Variants in SNX24 observed in about 807,000 individuals in gnomAD.
SNX24 encodes the protein sorting nexin-24.
SNX24 carries 22 observed loss-of-function variants against 28.7 expected under a neutral mutation model. The observed-to-expected ratio is 0.77, with a 90% CI of 0.55 to 1.10. The LOEUF (loss-of-function observed/expected upper bound fraction) is 1.10. SNX24 is among the 50% of genes least tolerant of loss of function. The probability of loss-of-function intolerance (pLI) is 0.00; values close to 1 mark genes in which losing one functional copy is unlikely to be tolerated. For missense variants in SNX24, 221 were observed against 201.1 expected (o/e 1.10, Z -0.60); for synonymous variants, 69 against 71.5 (o/e 0.96, Z 0.18).
At chr5:122,912,232 A>C (rs1376658485) in intron 1 of SNX24, among the ~76,000 whole-genome samples, 1 of 135,102 alleles carries the variant, frequency 7.4e-6, no homozygotes, top group African/African-American at 2.9e-5. Flanking sequence ...CTTTGAAGCA[A>C]TTGTGAATGG....
chr5:122,899,402 A>C (rs533180194), intron 1 of SNX24, among the ~76,000 whole-genome samples: 10 of 152,224 alleles, frequency 6.6e-5, no homozygotes, highest in Admixed American at 2.0e-4. Context: ...GCTTCTGTTG[A>C]ATATTTTTAT....
At chr5:122,874,139 C>T (rs1435166389) in intron 1 of SNX24, among the ~76,000 whole-genome samples, 1 of 152,104 alleles carries the variant, frequency 6.6e-6, no homozygotes, top group African/African-American at 2.4e-5. Flanking sequence ...CTGTATTGCT[C>T]CATGGAGATA....
chr5:122,945,472 T>C (rs1759642298), intron 2 of SNX24, among the ~76,000 whole-genome samples: 1 of 152,210 alleles, frequency 6.6e-6, no homozygotes, highest in Non-Finnish European at 1.5e-5. Flanking sequence ...AAAACTGCTG[T>C]CCCAAAAGGC....
chr5:122,897,319 T>A (rs1224841590), intron 1 of SNX24, among the ~76,000 whole-genome samples: 1 of 152,196 alleles, frequency 6.6e-6, no homozygotes, highest in Admixed American at 6.5e-5. Flanking sequence ...TTTTTATTTT[T>A]AAATTTTTTC....
intron 3 of SNX24, among the ~76,000 whole-genome samples, chr5:122,988,785 C>T (rs1761708284): frequency 6.6e-6 from 1 of 152,152 alleles, no homozygotes; most frequent in South Asian, 2.1e-4. Context: ...GATTTCTTTA[C>T]TGTCCTGTAA....
chr5:122,948,034 G>A (rs1759765221), intron 3 of SNX24, among the ~76,000 whole-genome samples: 1 of 152,130 alleles, frequency 6.6e-6, no homozygotes, highest in Non-Finnish European at 1.5e-5. Flanking sequence ...AGATGTGGTC[G>A]AAGGGCTCAG....
chr5:122,895,957 T>A (rs1757184847), intron 1 of SNX24, among the ~76,000 whole-genome samples: 1 of 152,186 alleles, frequency 6.6e-6, no homozygotes, highest in Admixed American at 6.5e-5. Context: ...AAGACCAGCC[T>A]GGCCAACATG....
rs116701469 is a variant in SNX24, at chr5:122,945,563, T to C, written c.145-492T>C. 4.3e-3 allele frequency among the ~76,000 whole-genome samples: 658 copies of C among 152,346 alleles called. 5 individuals carry two copies. Among genetic ancestry groups the C allele is most frequent in the African/African-American group, 0.015 (626 of 41,584 alleles). On this transcript the variant is annotated intron_variant, in intron 2 of 6. Transcript: ENST00000261369. ...GAACATTGAAAAGATTAGGCCTTTA[T>C]GTTTTTAAGTTCTCTCTCCAAATGA...
chr5:122,852,097 C>T (rs1407254237), intron 1 of SNX24, among the ~76,000 whole-genome samples: 2 of 149,826 alleles, frequency 1.3e-5, no homozygotes, highest in East Asian at 1.9e-4. Flanking sequence ...TAAATATATA[C>T]ACACACACAT....
At chr5:122,876,481 G>A (rs1756228668) in intron 1 of SNX24, among the ~76,000 whole-genome samples, 1 of 152,156 alleles carries the variant, frequency 6.6e-6, no homozygotes, top group South Asian at 2.1e-4. Flanking sequence ...TTAACCTCTT[G>A]TGATCTTACT....
chr5:122,911,742 CTTGT>C (rs1429380950), intron 1 of SNX24, among the ~76,000 whole-genome samples: 1 of 96,202 alleles, frequency 1.0e-5, no homozygotes, highest in African/African-American at 4.8e-5. Flanking sequence ...TTCCCCATTG[CTTGT>C]TTTTCTCAGG....
intron 3 of SNX24, among the ~76,000 whole-genome samples, chr5:122,970,390 C>T (rs1171712388): frequency 6.6e-6 from 1 of 151,956 alleles, no homozygotes; most frequent in Admixed American, 6.6e-5. Context: ...AACTACCTAC[C>T]GAAAACCTTT....
intron 1 of SNX24, among the ~76,000 whole-genome samples, chr5:122,892,888 C>A (rs1229021072): frequency 6.6e-6 from 1 of 151,972 alleles, no homozygotes; most frequent in East Asian, 1.9e-4. Context: ...GCCTCAGTCT[C>A]CCTAGTAGCT....
intron 5 of SNX24, among the ~76,000 whole-genome samples, chr5:123,025,587 T>C (rs1762839043): frequency 6.6e-6 from 1 of 152,202 alleles, no homozygotes; most frequent in Non-Finnish European, 1.5e-5. Flanking sequence ...TAATTTCTCC[T>C]TGTCAAGTCC....
At chr5:122,912,951 A>G (rs1757958175) in intron 1 of SNX24, among the ~76,000 whole-genome samples, 1 of 152,084 alleles carries the variant, frequency 6.6e-6, no homozygotes, top group African/African-American at 2.4e-5. Context: ...TCTGTTTAAC[A>G]AAGCACATCT....
chr5:123,001,585 G>C (rs1762248706), intron 5 of SNX24, 148 bp downstream of exon 5: 1 of 650,378 alleles, frequency 1.5e-6, no homozygotes, highest in Non-Finnish European at 2.7e-6. Flanking sequence ...GGGAATTACA[G>C]GAGTAACCAG....
intron 1 of SNX24, among the ~76,000 whole-genome samples, chr5:122,900,496 A>G (rs1050447278): frequency 5.3e-5 from 8 of 152,258 alleles, no homozygotes; most frequent in African/African-American, 1.7e-4. Context: ...GCCTGGTGGA[A>G]TGGCTCACAC....
chr5:122,899,102 C>G (rs781551440), intron 1 of SNX24, among the ~76,000 whole-genome samples: 5 of 152,234 alleles, frequency 3.3e-5, no homozygotes, highest in African/African-American at 4.8e-5. Flanking sequence ...CACCTCCTGA[C>G]AGCCTCCACT....
rs1210229359 is a variant in SNX24 at position 122,975,367 on chromosome 5, G to T, written c.250-24545G>T. Among the ~76,000 whole-genome samples the T allele has an allele frequency of 3.4e-5, 5 of 147,952 alleles. No individual in the cohort carries two copies. The South Asian group carries it at 6.4e-4, about 19-fold the overall frequency. ...TTTGTTTGCTGAAAATAAATTTATGGTTTTTTTTTTGTTCTTTGATAGCTT... is the reference window on the plus strand; with the variant it reads ...TTTGTTTGCTGAAAATAAATTTATGTTTTTTTTTTTGTTCTTTGATAGCTT... On this transcript the variant is annotated intron_variant, in intron 3 of 6. Coordinates refer to ENST00000261369, the MANE Select transcript of SNX24 (RefSeq NM_014035.4).
Sources: allele counts gnomAD v4.1 joint callset (sites outside exome capture counted in the v4.1 genomes callset), GRCh38; gene constraint gnomAD v4.1.1; transcripts MANE v1.5; gene names NCBI Gene and HGNC (gene_info 2026-07-23, HGNC 2026-07-21).